The following DSE variants were observed in gnomAD, a reference collection of about 807,000 sequenced individuals.
The protein encoded by DSE is dermatan-sulfate epimerase.
A neutral mutation model predicts 84.4 loss-of-function variants in DSE; 36 were observed. The ratio of observed to expected loss-of-function variants is 0.43; its 90% CI spans 0.33 to 0.56. DSE has a LOEUF of 0.56. Ranked by LOEUF, DSE falls within the 20% of genes least tolerant of loss-of-function variation. The pLI, the probability that DSE is intolerant of heterozygous loss-of-function variation, is 0.06. For missense variants in DSE, 862 were observed against 1,169.6 expected (o/e 0.74, Z 3.84); for synonymous variants, 410 against 430.1 (o/e 0.95, Z 0.58).
chr6:116,365,154 ATAAAAC>A (rs1448946387), intron 2 of DSE, among the ~76,000 whole-genome samples: 10 of 151,342 alleles, frequency 6.6e-5, no homozygotes, highest in African/African-American at 2.4e-4. Flanking sequence ...GTAACACTCT[ATAAAAC>A]AGTGGTTCCA....
intron 2 of DSE, among the ~76,000 whole-genome samples, chr6:116,294,058 CTG>C (rs1214650386): frequency 6.6e-6 from 1 of 152,020 alleles, no homozygotes. Flanking sequence ...AGGTCTCACT[CTG>C]TCACCCAGGC....
intron 2 of DSE, chr6:116,279,855 A>T: frequency 1.2e-6 from 2 of 1,613,088 alleles, no homozygotes; most frequent in African/African-American, 1.3e-5. Context: ...GACCAACCGC[A>T]GGCGAACGCC....
At chr6:116,361,885 C>A (rs777570402) in intron 2 of DSE, among the ~76,000 whole-genome samples, 10 of 152,222 alleles carry the variant, frequency 6.6e-5, no homozygotes, top group Non-Finnish European at 1.5e-4. Flanking sequence ...GGACTCACAA[C>A]AAACGTGAGT....
chr6:116,361,586 T>C (rs1172573994), intron 2 of DSE, among the ~76,000 whole-genome samples: 1 of 151,274 alleles, frequency 6.6e-6, no homozygotes, highest in African/African-American at 2.4e-5. Flanking sequence ...AGCCCAGGAG[T>C]TTGAGGTTGT....
At chr6:116,276,313 G>A (rs1316284574) in intron 2 of DSE, among the ~76,000 whole-genome samples, 3 of 152,184 alleles carry the variant, frequency 2.0e-5, no homozygotes, top group Admixed American at 2.0e-4. Context: ...ATAAAAAGAA[G>A]AGCCTGAATA....
chr6:116,315,442 TA>T (rs1021298862), intron 2 of DSE, among the ~76,000 whole-genome samples: 2 of 152,158 alleles, frequency 1.3e-5, no homozygotes, highest in African/African-American at 4.8e-5. Flanking sequence ...TTGTTTCATT[TA>T]CTAGGGTATA....
At chr6:116,416,817 A>G (rs1412702101) in intron 2 of DSE, among the ~76,000 whole-genome samples, 1 of 152,062 alleles carries the variant, frequency 6.6e-6, no homozygotes, top group Non-Finnish European at 1.5e-5. Context: ...TTGCATAGAC[A>G]TTGACTGAGT....
chr6:116,277,903 C>T (rs1326988979), intron 2 of DSE: 1 of 114,604 alleles, frequency 8.7e-6, no homozygotes, highest in Non-Finnish European at 1.7e-5. Context: ...CTCCGTCCTC[C>T]GTCTCAAAAA....
chr6:116,386,253 T>C (rs933935227), intron 1 of DSE, among the ~76,000 whole-genome samples: 1 of 152,254 alleles, frequency 6.6e-6, no homozygotes, highest in Non-Finnish European at 1.5e-5. Context: ...CAAAGTATTA[T>C]GGCAAGCTAC....
chr6:116,402,160 G>A (rs947890881), intron 2 of DSE, among the ~76,000 whole-genome samples: 19 of 152,098 alleles, frequency 1.2e-4, no homozygotes, highest in African/African-American at 4.6e-4. Flanking sequence ...TATGGCAAAG[G>A]GTACAAACAT....
chr6:116,389,494 T>C (rs1374969684), intron 1 of DSE, among the ~76,000 whole-genome samples: 1 of 152,156 alleles, frequency 6.6e-6, no homozygotes, highest in East Asian at 1.9e-4. Context: ...TAGGTTTAGA[T>C]AGCTTGTCCA....
chr6:116,285,068 A>G (rs1430896069), intron 2 of DSE, among the ~76,000 whole-genome samples: 2 of 152,120 alleles, frequency 1.3e-5, no homozygotes, highest in Non-Finnish European at 2.9e-5. Context: ...TGGTATTTCT[A>G]GTTCTAGATC....
intron 2 of DSE, among the ~76,000 whole-genome samples, chr6:116,425,368 A>G (rs1018893700): frequency 5.9e-5 from 9 of 152,190 alleles, no homozygotes; most frequent in African/African-American, 2.2e-4. Context: ...GCTTTCTTCT[A>G]CCTCCCACAG....
intron 2 of DSE, among the ~76,000 whole-genome samples, chr6:116,414,664 G>A (rs1039797746): frequency 2.0e-5 from 3 of 151,886 alleles, no homozygotes; most frequent in Middle Eastern, 3.4e-3. Context: ...CGCCTGCCTC[G>A]GCCTCCCAAA....
At chr6:116,409,078 G>A (rs1199420708) in intron 2 of DSE, among the ~76,000 whole-genome samples, 5 of 151,894 alleles carry the variant, frequency 3.3e-5, no homozygotes, top group Non-Finnish European at 5.9e-5. Context: ...TGTAATTTGG[G>A]GATATATATG....
At chr6:116,411,093 C>A (rs932485015) in intron 2 of DSE, among the ~76,000 whole-genome samples, 19 of 152,126 alleles carry the variant, frequency 1.2e-4, no homozygotes, top group Non-Finnish European at 2.8e-4. Flanking sequence ...TTATATCTCT[C>A]AAGCTTTATT....
At position 116,437,503 on chromosome 6, in the gene DSE, A is replaced by G. The variant is rs1259993950; in HGVS notation, c.*158A>G. 1 of 680,380 alleles carries G rather than the reference A, an allele frequency of 1.5e-6. No homozygotes were observed. The highest frequency in any genetic ancestry group is 2.9e-5 in the East Asian group (1 of 34,552). 42.1% of individuals were successfully genotyped at this position (680,380 alleles called of 1,614,324 possible). On this transcript the variant is annotated 3_prime_UTR_variant, in exon 6 of 6. Transcript: ENST00000644252. ...CACAAGAAAGCAGGAACGTGGAGAA[A>G]TTGGAGCAGGAAAAGAAATTATCAA...
intron 2 of DSE, among the ~76,000 whole-genome samples, chr6:116,292,704 AG>A (rs1430344330): frequency 6.6e-6 from 1 of 152,218 alleles, no homozygotes; most frequent in Non-Finnish European, 1.5e-5. Context: ...AATGTCAGTA[AG>A]TAGAAGAAAG....
At chr6:116,395,165 C>G (rs942446074) in intron 1 of DSE, among the ~76,000 whole-genome samples, 1 of 152,228 alleles carries the variant, frequency 6.6e-6, no homozygotes, top group Non-Finnish European at 1.5e-5. Flanking sequence ...GTGGCGCACG[C>G]CTGTAATCCC....
Sources: gnomAD v4.1 joint callset for allele counts (sites outside exome capture counted in the v4.1 genomes callset) on GRCh38, gnomAD v4.1.1 for gene constraint, MANE v1.5 for transcripts, NCBI Gene and HGNC (gene_info 2026-07-23, HGNC 2026-07-21) for gene names.